Variants in GRIP1 observed in about 807,000 individuals in gnomAD.
GRIP1 encodes the protein glutamate receptor-interacting protein 1.
A neutral mutation model predicts 129.9 loss-of-function variants in GRIP1; 45 were observed. That is an observed-to-expected ratio of 0.35 (90% CI 0.27 to 0.44). GRIP1 has a LOEUF of 0.44. Among genes scored for constraint, GRIP1 ranks in the 20% least tolerant of loss-of-function variants. The pLI, the probability that GRIP1 is intolerant of heterozygous loss-of-function variation, is 1.00. For missense variants in GRIP1, 1,196 were observed against 1,396.8 expected (o/e 0.86, Z 2.29); for synonymous variants, 530 against 520.8 (o/e 1.02, Z -0.24).
chr12:66,836,843 T>G (rs1220664073), intron 1 of GRIP1, among the ~76,000 whole-genome samples: 2 of 152,184 alleles, frequency 1.3e-5, no homozygotes, highest in Non-Finnish European at 2.9e-5. Flanking sequence ...TGATGATTAG[T>G]TCATTTGAAG....
At chr12:66,538,945 A>G in intron 4 of GRIP1, 133 bp downstream of exon 4, 1 of 754,196 alleles carries the variant, frequency 1.3e-6, no homozygotes, top group South Asian at 1.6e-5. Context: ...TTTATCAATT[A>G]AACTTTATCA....
Position 66,745,211 on chromosome 12 carries a change from C to T in GRIP1, c.-420+58842G>A, listed in dbSNP as rs116387038. Among the ~76,000 whole-genome samples the T allele has an allele frequency of 4.4e-3, 676 of 152,262 alleles. 9 individuals are homozygous for T. The highest frequency in any genetic ancestry group is 0.016 in the African/African-American group (656 of 41,548). On this transcript the variant is annotated intron_variant, in intron 1 of 4. Transcript: ENST00000538373. ...AAAAAGGACTGCAGTTTTGCAGAAT[C>T]AGCATTTAGGAATGGTCAGTAAAAC...
intron 22 of GRIP1, among the ~76,000 whole-genome samples, chr12:66,373,834 TA>T (rs1160759652): frequency 6.6e-6 from 1 of 152,168 alleles, no homozygotes; most frequent in Non-Finnish European, 1.5e-5. Context: ...CCCTATACAA[TA>T]GATATTAAAA....
intron 1 of GRIP1, among the ~76,000 whole-genome samples, chr12:66,986,954 A>C (rs2042321997): frequency 6.6e-6 from 1 of 152,164 alleles, no homozygotes; most frequent in Admixed American, 6.5e-5. Flanking sequence ...GACATCATAT[A>C]AATCTAAAGA....
At chr12:66,542,593 C>T (rs937172369) in intron 2 of GRIP1, among the ~76,000 whole-genome samples, 1 of 152,076 alleles carries the variant, frequency 6.6e-6, no homozygotes, top group Non-Finnish European at 1.5e-5. Context: ...TCTCTGCTTA[C>T]GAAATTTTAA....
intron 1 of GRIP1, among the ~76,000 whole-genome samples, chr12:66,652,150 G>A (rs912270931): frequency 4.6e-5 from 7 of 152,142 alleles, no homozygotes; most frequent in East Asian, 1.9e-4. Flanking sequence ...CTATGGGAGT[G>A]AAATGGGTTG....
intron 1 of GRIP1, among the ~76,000 whole-genome samples, chr12:66,669,756 C>G (rs1458318710): frequency 6.6e-6 from 1 of 152,158 alleles, no homozygotes; most frequent in Non-Finnish European, 1.5e-5. Flanking sequence ...AGTCTACCAA[C>G]TTGATGTCAT....
chr12:66,561,738 T>C lies in GRIP1; in HGVS notation c.137-19788A>G, dbSNP rs78718657. On this transcript the variant is annotated intron_variant, in intron 2 of 24. Coordinates refer to ENST00000359742, the MANE Select transcript of GRIP1 (RefSeq NM_001366722.1). ...GAAGTATATGGCTTAAAAAAATATA[T>C]ATATTTTATTGACTTTAAGGTGCCA... Among the ~76,000 whole-genome samples the C allele has an allele frequency of 6.4e-3, 967 of 152,216 alleles. 9 individuals carry two copies. The highest frequency in any genetic ancestry group is 0.022 in the African/African-American group (920 of 41,534).
At chr12:66,578,127 C>T (rs1308796143) in intron 2 of GRIP1, among the ~76,000 whole-genome samples, 1 of 151,492 alleles carries the variant, frequency 6.6e-6, no homozygotes, top group African/African-American at 2.4e-5. Context: ...CTGGGACAGG[C>T]ATGGTGGCTC....
rs922414415 is a variant in GRIP1 at position 66,685,470 on chromosome 12, A to T, written c.-419-55134T>A. Among the ~76,000 whole-genome samples the T allele has an allele frequency of 2.0e-5, 3 of 152,304 alleles. No individual in the cohort carries two copies. The East Asian group carries it at 5.8e-4, about 29-fold the overall frequency. ...ATTTGAATAATAAAGAAAAGTGGAA[A>T]CCCAATAGGGAGAGGTTCTATATTT... On this transcript the variant is annotated intron_variant, in intron 1 of 4. Transcript: ENST00000538373.
At chr12:66,355,636 G>A (rs2054453355) in intron 23 of GRIP1, among the ~76,000 whole-genome samples, 1 of 152,016 alleles carries the variant, frequency 6.6e-6, no homozygotes, top group African/African-American at 2.4e-5. Flanking sequence ...CTGTGTGGTT[G>A]AGAGCACCCC....
intron 1 of GRIP1, among the ~76,000 whole-genome samples, chr12:66,750,983 G>A (rs1305691081): frequency 6.6e-6 from 1 of 152,108 alleles, no homozygotes; most frequent in African/African-American, 2.4e-5. Context: ...TTCTAAGGTT[G>A]CTATAACTTT....
intron 19 of GRIP1, among the ~76,000 whole-genome samples, chr12:66,391,995 C>T (rs1007043215): frequency 1.8e-4 from 28 of 152,038 alleles, no homozygotes; most frequent in South Asian, 1.7e-3. Flanking sequence ...CTGTATTGAA[C>T]GAGCCACTTT....
intron 11 of GRIP1, among the ~76,000 whole-genome samples, chr12:66,446,153 G>C (rs1292846683): frequency 7.0e-6 from 1 of 142,878 alleles, no homozygotes; most frequent in Non-Finnish European, 1.5e-5. Context: ...TTCCCACTGG[G>C]TTTCTAGTCT....
rs530350096 is a variant in GRIP1, at chr12:66,580,415, T to C, written c.136+16432A>G. ...CAAATTCACACATAACAATATTAAC[T>C]TTAAATGTAAAGGGACTAAATGCTC... On this transcript the variant is annotated intron_variant, in intron 2 of 24. Transcript: ENST00000359742. 4.3e-4 allele frequency among the ~76,000 whole-genome samples: 65 copies of C among 151,544 alleles called. 1 individual carries two copies. In the South Asian group the frequency reaches 0.013, roughly 30 times the overall value.
chr12:67,012,573 G>A (rs1317072770), intron 1 of GRIP1, among the ~76,000 whole-genome samples: 2 of 152,122 alleles, frequency 1.3e-5, no homozygotes, highest in Admixed American at 6.6e-5. Flanking sequence ...AGCTTCATAT[G>A]CCATGATTTA....
intron 1 of GRIP1, among the ~76,000 whole-genome samples, chr12:66,789,460 T>C (rs1039410526): frequency 6.6e-6 from 1 of 152,174 alleles, no homozygotes; most frequent in African/African-American, 2.4e-5. Flanking sequence ...ACTTATAAGA[T>C]GGCTAGAAAG....
chr12:66,862,624 G>C (rs1176466152), intron 1 of GRIP1, among the ~76,000 whole-genome samples: 1 of 152,072 alleles, frequency 6.6e-6, no homozygotes, highest in Non-Finnish European at 1.5e-5. Context: ...GAGGGACACA[G>C]ATTTCTCTTC....
chr12:66,724,714 T>C (rs2036197247), intron 1 of GRIP1, among the ~76,000 whole-genome samples: 1 of 152,140 alleles, frequency 6.6e-6, no homozygotes, highest in South Asian at 2.1e-4. Flanking sequence ...GGCACATAAA[T>C]AAAGCAACTC....
Sources: allele counts gnomAD v4.1 joint callset (sites outside exome capture counted in the v4.1 genomes callset), GRCh38; gene constraint gnomAD v4.1.1; transcripts MANE v1.5; gene names NCBI Gene and HGNC (gene_info 2026-07-23, HGNC 2026-07-21).